ADGRD1: variants seen among roughly 807,000 people sequenced by gnomAD.
ADGRD1 encodes the protein G-protein coupled receptor 133.
In ADGRD1, 77 loss-of-function variants were observed where a neutral mutation model predicts 113.4. That is an observed-to-expected ratio of 0.68 (90% confidence interval 0.57 to 0.82). The LOEUF is 0.82. Ranked by LOEUF, ADGRD1 falls within the 40% of genes least tolerant of loss-of-function variation. The pLI, the probability that ADGRD1 is intolerant of heterozygous loss-of-function variation, is 0.00. For missense variants in ADGRD1, 1,036 were observed against 1,139.1 expected, an observed-to-expected ratio of 0.91 and a Z score of 1.30; for synonymous variants, 474 against 475.0, an observed-to-expected ratio of 1.00 and a Z score of 0.03.
In ADGRD1 at chr12:131,041,201, G is replaced by A. The variant is rs73477375; in HGVS notation, c.1473+26861G>A. On this transcript the variant is annotated intron_variant, in intron 13 of 24. Coordinates refer to ENST00000261654, the MANE Select transcript of ADGRD1 (RefSeq NM_198827.5). The surrounding 1 kb of genome is among the most constrained non-coding windows in gnomAD (Gnocchi z 4.4). ...GGGGGTCTTGGTGCTGGCCACTGGC[G>A]CAGAGAATGTGGGGAGGCACCCAGA... Among the ~76,000 whole-genome samples the A allele has an allele frequency of 0.017, 2,635 of 152,318 alleles. 77 individuals are homozygous for A. Among genetic ancestry groups the A allele is most frequent in the African/African-American group, 0.06 (2,488 of 41,550 alleles).
chr12:130,997,300 G>A (rs1875663513), intron 8 of ADGRD1, among the ~76,000 whole-genome samples: 2 of 150,258 alleles, frequency 1.3e-5, no homozygotes, highest in African/African-American at 4.9e-5. Flanking sequence ...TGGCCTGGCG[G>A]GGGCTGACCC....
At chr12:130,987,049 G>C (rs1407064640) in intron 5 of ADGRD1, 46 bp from the exon 6 acceptor site, 1 of 1,578,086 alleles carries the variant, frequency 6.3e-7, no homozygotes, top group East Asian at 2.2e-5. Flanking sequence ...TGCATGGGGA[G>C]CTCATTCCCA....
At position 131,057,917 on chromosome 12, in the gene ADGRD1, G is replaced by A. The variant is rs1245451022; in HGVS notation, c.1474-18884G>A. Reference sequence around the variant, plus strand: ...TGCAGGACTGACCGCAGCCGTCTTCGTGCTCATCTCGCTTCTTTCTTGTTC... The same window carrying A: ...TGCAGGACTGACCGCAGCCGTCTTCATGCTCATCTCGCTTCTTTCTTGTTC... On this transcript the variant is annotated intron_variant, in intron 13 of 24. Transcript: ENST00000261654. This position sits in a 1 kb window ranked among gnomAD's most constrained non-coding sequence, Gnocchi z 4.2. 6.6e-6 allele frequency among the ~76,000 whole-genome samples: 1 copy of A among 152,122 alleles called. No homozygotes were observed. Among genetic ancestry groups the A allele is most frequent in the Non-Finnish European group, 1.5e-5 (1 of 68,030 alleles).
intron 7 of ADGRD1, 26 bp downstream of exon 7, chr12:130,991,104 C>T (rs1186716474): frequency 3.7e-6 from 6 of 1,600,200 alleles, no homozygotes; most frequent in African/African-American, 1.3e-5. Flanking sequence ...TTCCTTGGTC[C>T]CCCTTGCTGA....
intron 4 of ADGRD1, chr12:130,978,096 G>A (rs1428599357): frequency 6.6e-6 from 1 of 152,154 alleles, no homozygotes; most frequent in Non-Finnish European, 1.5e-5. Context: ...CAGGTTGTTG[G>A]GAGGATTTAA....
intron 13 of ADGRD1, among the ~76,000 whole-genome samples, chr12:131,042,612 G>T (rs897542489): frequency 6.6e-6 from 1 of 152,122 alleles, no homozygotes; most frequent in African/African-American, 2.4e-5. Context: ...CTCCCACCAG[G>T]TAGCAGCCTT....
chr12:130,957,185 TACACATGTTC>T (rs1869721828), intron 2 of ADGRD1: 1 of 152,358 alleles, frequency 6.6e-6, no homozygotes, highest in African/African-American at 2.4e-5. Context: ...TACATGTATT[TACACATGTTC>T]ACACATGTCC....
Position 131,024,669 on chromosome 12 carries a change from G to A in ADGRD1, c.1473+10329G>A, listed in dbSNP as rs116910586. 1,286 of 152,362 alleles carry A rather than the reference G, an allele frequency of 8.4e-3. 17 individuals carry two copies. Among genetic ancestry groups the A allele is most frequent in the Middle Eastern group, 0.031 (9 of 294 alleles). The allele number at this position is 152,362 out of a possible 1,614,324, so 9.4% of individuals were successfully genotyped here. ...TACAGCCAGGTGTGTGGTGGACTGC[G>A]TCGTCTAGCTTTGTGTAAGTCCCCT... On this transcript the variant is annotated intron_variant, in intron 13 of 24. Coordinates refer to ENST00000261654, the MANE Select transcript of ADGRD1 (RefSeq NM_198827.5).
chr12:131,058,408 G>T lies in ADGRD1; in HGVS notation c.1474-18393G>T, dbSNP rs560649259. On this transcript the variant is annotated intron_variant, in intron 13 of 24. Coordinates refer to ENST00000261654, the MANE Select transcript of ADGRD1 (RefSeq NM_198827.5). Reference sequence around the variant, plus strand: ...GTTTGGAATGTGCTGGGTTTGAGTTGCTGAGCAAGGTACCACCGTACACAT... The same window carrying T: ...GTTTGGAATGTGCTGGGTTTGAGTTTCTGAGCAAGGTACCACCGTACACAT... Among the ~76,000 whole-genome samples the T allele has an allele frequency of 1.5e-3, 231 of 152,300 alleles. 1 individual carries two copies. The highest frequency in any genetic ancestry group is 5.5e-3 in the African/African-American group (229 of 41,556).
In ADGRD1 at chr12:130,971,594, C is replaced by G; in HGVS notation, c.310+14C>G. On this transcript the variant is annotated intron_variant, in intron 4 of 24. Coordinates refer to ENST00000261654, the MANE Select transcript of ADGRD1 (RefSeq NM_198827.5). This position sits in a 1 kb window ranked among gnomAD's most constrained non-coding sequence, Gnocchi z 4.2. ...GTGGCCCTGAAGGTGAGTGGCTGAT[C>G]CCTGCGGCATCTTTGTCAAGCATTT... The G allele has an allele frequency of 6.3e-7, 1 of 1,596,204 alleles. No individual in the cohort carries two copies. Among genetic ancestry groups the G allele is most frequent in the Non-Finnish European group, 8.5e-7 (1 of 1,171,492 alleles).
rs1475592679 is a variant in ADGRD1, at chr12:130,965,294, C to A, written c.104-1169C>A. Among the ~76,000 whole-genome samples, 1 of 152,080 alleles carries A rather than the reference C, an allele frequency of 6.6e-6. No individual in the cohort carries two copies. Among genetic ancestry groups the A allele is most frequent in the Non-Finnish European group, 1.5e-5 (1 of 67,990 alleles). ...GTAATAGTGTTTCACTGACGAAATT[C>A]TTTTCTTATTTGTAATCGTTTTCCA... On this transcript the variant is annotated intron_variant, in intron 2 of 24. Coordinates refer to ENST00000261654, the MANE Select transcript of ADGRD1 (RefSeq NM_198827.5). The surrounding 1 kb of genome is among the most constrained non-coding windows in gnomAD (Gnocchi z 4.8).
intron 18 of ADGRD1, among the ~76,000 whole-genome samples, chr12:131,117,472 A>C (rs771506476): frequency 6.6e-6 from 1 of 152,180 alleles, no homozygotes; most frequent in Admixed American, 6.5e-5. Flanking sequence ...TGTGGTGCCA[A>C]AATGGCTGCC....
At chr12:131,038,929 C>T (rs1055205022) in intron 13 of ADGRD1, among the ~76,000 whole-genome samples, 1 of 152,252 alleles carries the variant, frequency 6.6e-6, no homozygotes, top group African/African-American at 2.4e-5. Context: ...GCAGATGGAG[C>T]AGGGTGGTTA....
At chr12:130,996,823 C>A (rs1397426238) in intron 8 of ADGRD1, among the ~76,000 whole-genome samples, 1 of 114,386 alleles carries the variant, frequency 8.7e-6, no homozygotes, top group East Asian at 2.7e-4. Flanking sequence ...GGCGGCTGGC[C>A]GGGCGGGGGG....
rs200129820 is a variant in ADGRD1, at chr12:130,966,585, A to G, written c.187+39A>G. 7 of 1,288,392 alleles carry G rather than the reference A, an allele frequency of 5.4e-6. No homozygotes were observed. Among genetic ancestry groups the G allele is most frequent in the Non-Finnish European group, 7.9e-6 (7 of 883,214 alleles). The allele number at this position is 1,288,392 out of a possible 1,614,324, so 79.8% of individuals were successfully genotyped here. ...TGCTGAGAGCGGCTGTGGGCGCGGGAATCCCAGGGCCATCAGGAGGCGTGG... is the reference window on the plus strand; with the variant it reads ...TGCTGAGAGCGGCTGTGGGCGCGGGGATCCCAGGGCCATCAGGAGGCGTGG... On this transcript the variant is annotated intron_variant, in intron 3 of 24. Coordinates refer to ENST00000261654, the MANE Select transcript of ADGRD1 (RefSeq NM_198827.5). The surrounding 1 kb of genome is among the most constrained non-coding windows in gnomAD (Gnocchi z 4.6).
chr12:131,098,157 A>ACGC, intron 15 of ADGRD1, among the ~76,000 whole-genome samples: 1 of 116,704 alleles, frequency 8.6e-6, no homozygotes, highest in East Asian at 2.9e-4. Flanking sequence ...TCTGGGCCTC[A>ACGC]CTTCCTTCTC....
intron 13 of ADGRD1, among the ~76,000 whole-genome samples, chr12:131,021,083 G>T (rs930721845): frequency 7.1e-4 from 69 of 96,886 alleles, no homozygotes; most frequent in Non-Finnish European, 1.3e-3. Context: ...TGATTTTAAA[G>T]TTACAGAAAA....
chr12:131,051,586 C>A (rs760817029), intron 13 of ADGRD1, among the ~76,000 whole-genome samples: 1 of 151,870 alleles, frequency 6.6e-6, no homozygotes, highest in African/African-American at 2.4e-5. Flanking sequence ...CAGGTTCAAG[C>A]TATTCTCGTC....
chr12:131,094,345 G>A (rs1480720677), intron 15 of ADGRD1, among the ~76,000 whole-genome samples: 2 of 152,286 alleles, frequency 1.3e-5, no homozygotes, highest in African/African-American at 2.4e-5. Context: ...GCATTGACCC[G>A]TTCATGGCCA....
Sources: gnomAD v4.1 joint callset for allele counts (sites outside exome capture counted in the v4.1 genomes callset) on GRCh38, gnomAD v4.1.1 for gene constraint, Gnocchi (gnomAD v3.1) non-coding constraint, MANE v1.5 for transcripts, NCBI Gene and HGNC (gene_info 2026-07-23, HGNC 2026-07-21) for gene names.